Variants in KIF1B observed in about 807,000 individuals in gnomAD.
KIF1B encodes the protein kinesin family member 1B, also known as kinesin-like protein KIF1B.
Under a neutral mutation model 241.9 loss-of-function variants are expected in KIF1B, and 76 were observed. The ratio of observed to expected loss-of-function variants is 0.31; its 90% confidence interval spans 0.26 to 0.38. The LOEUF (loss-of-function observed/expected upper bound fraction) is 0.38, where lower values mean the gene tolerates loss of function less well. KIF1B is among the 10% of genes least tolerant of loss of function. The pLI is 1.00. For synonymous variants in KIF1B, 750 were observed against 796.7 expected, an observed-to-expected ratio of 0.94 and a Z score of 0.99; for missense variants, 1,622 against 2,271.4, an observed-to-expected ratio of 0.71 and a Z score of 5.81.
At chr1:10,372,942 T>C (rs866592631) in intron 45 of KIF1B, among the ~76,000 whole-genome samples, 28 of 151,714 alleles carry the variant, frequency 1.8e-4, no homozygotes, top group African/African-American at 6.5e-4. Flanking sequence ...GCCTCCAAAG[T>C]AGCTGGGATT....
In KIF1B at chr1:10,292,099, C is replaced by T; in HGVS notation, c.1567C>T (p.Leu523=). 4 of 1,613,856 alleles carry T rather than the reference C, an allele frequency of 2.5e-6. No individual in the cohort carries two copies. The highest frequency in any genetic ancestry group is 3.4e-6 in the Non-Finnish European group (4 of 1,179,850). The change falls in exon 17 of 49, where the codon CTA becomes TTA. Residue 523 remains leucine, a synonymous_variant. Coordinates refer to ENST00000676179, the MANE Select transcript of KIF1B (RefSeq NM_001365951.3). ...TGCCATTCGGGAAGATGGAGGAACCCTAGGGGTTTTCTCACCTAAAAAGGT... is the reference window on the plus strand; with the variant it reads ...TGCCATTCGGGAAGATGGAGGAACCTTAGGGGTTTTCTCACCTAAAAAGGT... The part of the protein sequence containing the change: ...GVAIREDGGT[L]GVFSPKKTPH...
chr1:10,250,571 A>ACC (rs1647380883), intron 2 of KIF1B, among the ~76,000 whole-genome samples: 1 of 152,138 alleles, frequency 6.6e-6, no homozygotes, highest in African/African-American at 2.4e-5. Flanking sequence ...CAGGCATGGT[A>ACC]GCCCATGACT....
chr1:10,368,122 C>T (rs1378922063), intron 43 of KIF1B, among the ~76,000 whole-genome samples: 1 of 152,024 alleles, frequency 6.6e-6, no homozygotes, highest in African/African-American at 2.4e-5. Flanking sequence ...ATAGAACTTC[C>T]CTTACTATAT....
intron 2 of KIF1B, among the ~76,000 whole-genome samples, chr1:10,242,877 G>A (rs981104443): frequency 1.3e-5 from 2 of 152,152 alleles, no homozygotes; most frequent in Admixed American, 6.6e-5. Flanking sequence ...GCCCGCTGAT[G>A]GACAGGTTGT....
intron 1 of KIF1B, among the ~76,000 whole-genome samples, chr1:10,224,512 G>A (rs1345189399): frequency 6.6e-6 from 1 of 152,052 alleles, no homozygotes; most frequent in Non-Finnish European, 1.5e-5. Context: ...TCCAACTCCT[G>A]GGCTCAAGTG....
At position 10,378,456 on chromosome 1, in the gene KIF1B, G is replaced by T; in HGVS notation, c.*1869G>T. 1 of 717,650 alleles carries T rather than the reference G, an allele frequency of 1.4e-6. No individual in the cohort carries two copies. Among genetic ancestry groups the T allele is most frequent in the Non-Finnish European group, 2.6e-6 (1 of 385,116 alleles). The allele number at this position is 717,650 out of a possible 1,614,324, so 44.5% of individuals were successfully genotyped here. ...AGCCTCCAGTGACTTCAGTTGCTTTGCCAGTTGTCTTGGGATTGTTTTACA... is the reference window on the plus strand; with the variant it reads ...AGCCTCCAGTGACTTCAGTTGCTTTTCCAGTTGTCTTGGGATTGTTTTACA... On this transcript the variant is annotated 3_prime_UTR_variant, in exon 49 of 49. Coordinates refer to ENST00000676179, the MANE Select transcript of KIF1B (RefSeq NM_001365951.3).
At chr1:10,211,881 T>C (rs746236477) in intron 1 of KIF1B, 16 of 152,204 alleles carry the variant, frequency 1.1e-4, no homozygotes, top group Non-Finnish European at 1.8e-4. Context: ...CTAAGGCCAC[T>C]GTATCAGTAT....
intron 1 of KIF1B, among the ~76,000 whole-genome samples, chr1:10,229,867 C>CAAAAAAAAAAAAAAAAAAAAAA (rs58923572): frequency 1.8e-5 from 1 of 56,474 alleles, no homozygotes; most frequent in African/African-American, 9.2e-5. Context: ...GACTCCGTCT[C>CAAAAAAAAAAAAAAAAAAAAAA]AAAAAAAAAA....
intron 1 of KIF1B, among the ~76,000 whole-genome samples, chr1:10,231,968 G>A (rs961233307): frequency 4.0e-5 from 6 of 151,794 alleles, no homozygotes; most frequent in East Asian, 1.9e-4. Context: ...AAGATTTGTC[G>A]GGGAGGCCAG....
intron 27 of KIF1B, among the ~76,000 whole-genome samples, chr1:10,330,093 A>G (rs905827755): frequency 1.3e-5 from 2 of 152,214 alleles, no homozygotes; most frequent in African/African-American, 4.8e-5. Flanking sequence ...CTGCTAACGT[A>G]TCCTTTCCAT....
intron 1 of KIF1B, among the ~76,000 whole-genome samples, chr1:10,226,736 G>A (rs1306589149): frequency 1.3e-5 from 2 of 152,102 alleles, no homozygotes; most frequent in Admixed American, 6.6e-5. Context: ...GAAGGCTGAG[G>A]CTGGAAGATT....
At chr1:10,323,827 A>G in intron 24 of KIF1B, 57 bp from the exon 25 acceptor site, 1 of 1,401,520 alleles carries the variant, frequency 7.1e-7, no homozygotes, top group Non-Finnish European at 1.0e-6. Flanking sequence ...GTATCGTCTC[A>G]TCTCTGAAGC....
At chr1:10,296,232 C>T (rs77669849) in intron 19 of KIF1B, among the ~76,000 whole-genome samples, 2,850 of 152,242 alleles carry the variant, frequency 0.019, 40 homozygotes, top group Non-Finnish European at 0.028. Flanking sequence ...ATATTAGCTT[C>T]TCAGTCTTTA....
At position 10,337,616 on chromosome 1, in the gene KIF1B, G is replaced by C; in HGVS notation, c.3422+83G>C. 1 of 1,438,490 alleles carries C rather than the reference G, an allele frequency of 7.0e-7. No individual in the cohort carries two copies. Among genetic ancestry groups the C allele is most frequent in the South Asian group, 1.2e-5 (1 of 86,512 alleles). The allele number at this position is 1,438,490 out of a possible 1,614,324, so 89.1% of individuals were successfully genotyped here. On this transcript the variant is annotated intron_variant, in intron 31 of 48. Transcript: ENST00000676179. This position sits in a 1 kb window ranked among gnomAD's most constrained non-coding sequence, Gnocchi z 4.0. ...GTGCACTGTAGAGTGCTTTACATGT[G>C]TGAGGGATTAACACTCTTGAGACAA...
chr1:10,253,670 A>C (rs542575339), intron 2 of KIF1B, among the ~76,000 whole-genome samples: 2 of 152,312 alleles, frequency 1.3e-5, no homozygotes, highest in South Asian at 4.1e-4. Flanking sequence ...GTAGACAGAA[A>C]GTACTTATGG....
intron 1 of KIF1B, among the ~76,000 whole-genome samples, chr1:10,229,613 T>C (rs541488022): frequency 6.6e-6 from 1 of 151,838 alleles, no homozygotes. Flanking sequence ...TCCCAGCACT[T>C]TGGGAGGCTG....
At chr1:10,264,179 C>T (rs1469299786) in intron 5 of KIF1B, among the ~76,000 whole-genome samples, 4 of 152,142 alleles carry the variant, frequency 2.6e-5, no homozygotes, top group South Asian at 2.1e-4. Context: ...AACATGCTTT[C>T]TCAGTTACCT....
At chr1:10,291,937 T>TA in intron 16 of KIF1B, 110 bp from the exon 17 acceptor site, 1 of 870,836 alleles carries the variant, frequency 1.1e-6, no homozygotes. Context: ...TTATTGGCTA[T>TA]AAACATGGCC....
intron 22 of KIF1B, among the ~76,000 whole-genome samples, chr1:10,313,751 C>T (rs973580603): frequency 5.3e-5 from 8 of 150,792 alleles, no homozygotes; most frequent in East Asian, 3.9e-4. Flanking sequence ...GGGGTTTCAC[C>T]GTGTTAGCCA....
Sources: allele counts gnomAD v4.1 joint callset (sites outside exome capture counted in the v4.1 genomes callset), GRCh38; gene constraint gnomAD v4.1.1; non-coding constraint Gnocchi (gnomAD v3.1); transcripts MANE v1.5; gene names NCBI Gene and HGNC (gene_info 2026-07-23, HGNC 2026-07-21).